The following PSIP1 variants were observed in gnomAD, a reference collection of about 807,000 sequenced individuals.
PSIP1 encodes the protein PC4 and SFRS1-interacting protein.
PSIP1 carries 19 observed loss-of-function variants against 74.7 expected under a neutral mutation model. The ratio of observed to expected loss-of-function variants is 0.25; its 90% CI spans 0.18 to 0.37. The LOEUF (loss-of-function observed/expected upper bound fraction) is 0.37. Among genes scored for constraint, PSIP1 ranks in the 10% least tolerant of loss-of-function variants. The pLI is 1.00. For missense variants in PSIP1, 601 were observed against 614.3 expected (o/e 0.98, Z 0.23); for synonymous variants, 222 against 195.3 (o/e 1.14, Z -1.14).
In PSIP1 at chr9:15,471,585, A is replaced by AT. The variant is rs930296091; in HGVS notation, c.977+1046dup. Reference sequence around the variant, plus strand: ...TGATAGGTGACAAAGAATAACTTAAATATTTACAGAAGTGCTTAAAGTCTA... The same window carrying AT: ...TGATAGGTGACAAAGAATAACTTAAATTATTTACAGAAGTGCTTAAAGTCTA... On this transcript the variant is annotated intron_variant, in intron 10 of 15. Transcript: ENST00000380733. The AT allele has an allele frequency of 9.2e-5, 88 of 952,696 alleles. No homozygotes were observed. The African/African-American group carries it at 1.5e-3, about 16-fold the overall frequency. 59.0% of individuals were successfully genotyped at this position (952,696 alleles called of 1,614,324 possible).
intron 4 of PSIP1, among the ~76,000 whole-genome samples, chr9:15,488,812 G>A (rs1407553527): frequency 2.6e-5 from 4 of 151,190 alleles, no homozygotes; most frequent in South Asian, 2.1e-4. Context: ...ACAAGGTCAG[G>A]AGATCGAGAC....
At chr9:15,469,424 C>A in intron 11 of PSIP1, 88 bp from the exon 12 acceptor site, 2 of 737,356 alleles carry the variant, frequency 2.7e-6, no homozygotes, top group African/African-American at 1.8e-5. Context: ...AATTAGTGGA[C>A]TTAAAAAAAA....
intron 4 of PSIP1, among the ~76,000 whole-genome samples, chr9:15,488,034 A>G (rs2036630802): frequency 6.6e-6 from 1 of 152,176 alleles, no homozygotes; most frequent in Admixed American, 6.5e-5. Flanking sequence ...TTATCGGTTT[A>G]AAAGTAAAAA....
intron 3 of PSIP1, among the ~76,000 whole-genome samples, chr9:15,504,699 T>C (rs1262321850): frequency 6.7e-6 from 1 of 150,146 alleles, no homozygotes; most frequent in Non-Finnish European, 1.5e-5. Context: ...ATCATGCCAC[T>C]GCACTCCAGC....
chr9:15,491,125 G>C (rs957258092), intron 3 of PSIP1, among the ~76,000 whole-genome samples: 3 of 152,144 alleles, frequency 2.0e-5, no homozygotes, highest in Admixed American at 1.3e-4. Context: ...ATTTAATACA[G>C]ACTGCTAACT....
chr9:15,506,973 G>T (rs1474586143), intron 2 of PSIP1, among the ~76,000 whole-genome samples: 3 of 152,144 alleles, frequency 2.0e-5, no homozygotes, highest in Non-Finnish European at 4.4e-5. Flanking sequence ...TACTCTCCCT[G>T]CCTTCCTAAA....
intron 3 of PSIP1, among the ~76,000 whole-genome samples, chr9:15,496,440 A>C (rs75189038): frequency 2.0e-5 from 3 of 152,218 alleles, no homozygotes; most frequent in Non-Finnish European, 2.9e-5. Flanking sequence ...GTCTCACAAA[A>C]TAAGACATAG....
intron 11 of PSIP1, 33 bp downstream of exon 11, chr9:15,469,905 A>ATT: frequency 1.3e-6 from 2 of 1,563,038 alleles, no homozygotes; most frequent in Non-Finnish European, 1.8e-6. Context: ...TCCATGTATA[A>ATT]TTTTATGTAT....
intron 14 of PSIP1, chr9:15,468,409 G>T: frequency 1.5e-6 from 1 of 666,700 alleles, no homozygotes; most frequent in South Asian, 1.4e-5. Context: ...ATGAGCAATG[G>T]TTTCTGCCTT....
chr9:15,497,853 T>G (rs1159331230), intron 3 of PSIP1, among the ~76,000 whole-genome samples: 1 of 152,212 alleles, frequency 6.6e-6, no homozygotes, highest in Non-Finnish European at 1.5e-5. Flanking sequence ...TCTACTGTTT[T>G]CAGCCCACTT....
At chr9:15,483,513 T>C (rs970500636) in intron 6 of PSIP1, among the ~76,000 whole-genome samples, 3 of 152,226 alleles carry the variant, frequency 2.0e-5, no homozygotes, top group Non-Finnish European at 4.4e-5. Context: ...GCCTAGTCTG[T>C]TGCCAACTCA....
chr9:15,499,520 T>G (rs758533322), intron 3 of PSIP1, among the ~76,000 whole-genome samples: 2 of 152,118 alleles, frequency 1.3e-5, no homozygotes, highest in Non-Finnish European at 2.9e-5. Flanking sequence ...GTGAATAATA[T>G]GAATACCCAC....
At chr9:15,493,289 G>T (rs113593284) in intron 3 of PSIP1, among the ~76,000 whole-genome samples, 2,224 of 152,280 alleles carry the variant, frequency 0.015, 25 homozygotes, top group South Asian at 0.052. Flanking sequence ...GAGCAAGAGT[G>T]ATCTTTACTC....
intron 6 of PSIP1, among the ~76,000 whole-genome samples, chr9:15,484,201 G>A (rs2036459796): frequency 6.6e-6 from 1 of 150,800 alleles, no homozygotes; most frequent in Non-Finnish European, 1.5e-5. Flanking sequence ...TGTGTACAGA[G>A]GCTCACATCT....
chr9:15,480,540 AC>A (rs2036292228), intron 6 of PSIP1, among the ~76,000 whole-genome samples: 1 of 152,250 alleles, frequency 6.6e-6, no homozygotes, highest in Admixed American at 6.5e-5. Flanking sequence ...TACATTGACT[AC>A]CAATGATCAA....
In PSIP1 at chr9:15,469,038, C is replaced by G; in HGVS notation, c.1125G>C (p.Glu375Asp). Residue 375 changes from glutamate (E) to aspartate (D), a missense_variant, in exon 13 of 16, where the codon GAG (glutamate) becomes GAC (aspartate). Physicochemically the swap from Glu to Asp is conservative, Grantham distance 45 (BLOSUM62 2). Around this residue, in one of 2 missense-constraint regions of PSIP1, gnomAD observed 538 missense variants for 507.6 expected, o/e 1.06. Coordinates refer to ENST00000380733, the MANE Select transcript of PSIP1 (RefSeq NM_033222.5). ...IDNLDVNRCIEALDELASLQV... is the reference protein window; with the variant it reads ...IDNLDVNRCIDALDELASLQV... ...GAAGTGAAGCAAGTTCATCCAAGGC[C>G]TCAATGCATCTGTTCACATCCTTCA... The G allele has an allele frequency of 6.2e-7, 1 of 1,613,674 alleles. No homozygotes were observed. The highest frequency in any genetic ancestry group is 8.5e-7 in the Non-Finnish European group (1 of 1,179,834).
chr9:15,491,443 G>A (rs2036827585), intron 3 of PSIP1, among the ~76,000 whole-genome samples: 1 of 152,188 alleles, frequency 6.6e-6, no homozygotes. Context: ...GTTTGTGAAT[G>A]ACCTGTACAA....
At chr9:15,485,922 G>T in intron 6 of PSIP1, 84 bp downstream of exon 6, 1 of 1,220,936 alleles carries the variant, frequency 8.2e-7, no homozygotes, top group Non-Finnish European at 1.2e-6. Flanking sequence ...GAAATTTAAG[G>T]TTTCATTGTA....
chr9:15,490,143 A>C lies in PSIP1; in HGVS notation c.150-19T>G, dbSNP rs1167266527. The C allele has an allele frequency of 1.3e-6, 2 of 1,563,980 alleles. No individual in the cohort carries two copies. Among genetic ancestry groups the C allele is most frequent in the African/African-American group, 2.8e-5 (2 of 72,432 alleles). ...AAAAGCACTAAAAAAGAAGTGGGGA[A>C]GATGTGAGTGCAAAGCAAGCTCAAA... is the stretch of plus-strand genomic sequence containing the variant. On this transcript the variant is annotated intron_variant, in intron 3 of 15. Coordinates refer to ENST00000380733, the MANE Select transcript of PSIP1 (RefSeq NM_033222.5).
Sources: gnomAD v4.1 joint callset for allele counts (sites outside exome capture counted in the v4.1 genomes callset) on GRCh38, gnomAD v4.1.1 for gene constraint, gnomAD v4.1.1 regional missense constraint, MANE v1.5 for transcripts, NCBI Gene and HGNC (gene_info 2026-07-23, HGNC 2026-07-21) for gene names.